The following CTNNA2 variants were observed in gnomAD, a reference collection of about 807,000 sequenced individuals.
CTNNA2 encodes catenin alpha-2.
CTNNA2 carries 42 observed loss-of-function variants against 101.0 expected under a neutral mutation model. The ratio of observed to expected loss-of-function variants is 0.42; its 90% CI spans 0.32 to 0.54. CTNNA2 has a LOEUF of 0.54. Ranked by LOEUF, CTNNA2 falls within the 20% of genes least tolerant of loss-of-function variation. The probability of loss-of-function intolerance (pLI) is 0.14; values close to 1 mark genes in which losing one functional copy is unlikely to be tolerated. For missense variants in CTNNA2, 871 were observed against 1,223.1 expected, an observed-to-expected ratio of 0.71 and a Z score of 4.29; for synonymous variants, 450 against 456.4, an observed-to-expected ratio of 0.99 and a Z score of 0.18.
At chr2:79,353,841 A>G (rs1342996215) in intron 3 of CTNNA2, among the ~76,000 whole-genome samples, 1 of 152,128 alleles carries the variant, frequency 6.6e-6, no homozygotes, top group African/African-American at 2.4e-5. Context: ...TCCCTTAAGG[A>G]CCTACTGTAA....
chr2:80,131,097 G>A (rs758312543), intron 7 of CTNNA2, among the ~76,000 whole-genome samples: 49 of 151,784 alleles, frequency 3.2e-4, no homozygotes, highest in African/African-American at 4.8e-4. Flanking sequence ...TGTCTCTGTC[G>A]CCCAGGTTGG....
At chr2:79,650,024 T>A (rs931753754) in intron 1 of CTNNA2, among the ~76,000 whole-genome samples, 7 of 152,118 alleles carry the variant, frequency 4.6e-5, no homozygotes, top group Admixed American at 3.9e-4. Context: ...AGAACAGCCA[T>A]GGACATTTTG....
At chr2:80,468,162 G>A (rs1311448846) in intron 9 of CTNNA2, among the ~76,000 whole-genome samples, 1 of 152,084 alleles carries the variant, frequency 6.6e-6, no homozygotes, top group Non-Finnish European at 1.5e-5. Context: ...GTGTTTTGAA[G>A]GCAGGATTGG....
At chr2:80,478,540 T>C (rs1027453859) in intron 9 of CTNNA2, among the ~76,000 whole-genome samples, 1 of 152,160 alleles carries the variant, frequency 6.6e-6, no homozygotes, top group Non-Finnish European at 1.5e-5. Flanking sequence ...ACTTAAGTCT[T>C]TAACACATCT....
chr2:80,309,725 C>G (rs955053382), intron 7 of CTNNA2, among the ~76,000 whole-genome samples: 7 of 140,402 alleles, frequency 5.0e-5, no homozygotes, highest in African/African-American at 1.9e-4. Context: ...GACGGAGTCT[C>G]GCACGGTCAC....
At chr2:80,635,295 ATATTT>A (rs1243121210) in intron 18 of CTNNA2, among the ~76,000 whole-genome samples, 1 of 152,208 alleles carries the variant, frequency 6.6e-6, no homozygotes, top group Non-Finnish European at 1.5e-5. Flanking sequence ...AACTCAAAAA[ATATTT>A]TAAAGAAGAC....
At chr2:79,706,053 G>C (rs1047285024) in intron 2 of CTNNA2, among the ~76,000 whole-genome samples, 1 of 152,018 alleles carries the variant, frequency 6.6e-6, no homozygotes, top group African/African-American at 2.4e-5. Flanking sequence ...GAAGGCCTTC[G>C]TGTGGTCTTA....
chr2:80,460,701 A>G (rs1252321620), intron 9 of CTNNA2, among the ~76,000 whole-genome samples: 1 of 152,046 alleles, frequency 6.6e-6, no homozygotes, highest in Non-Finnish European at 1.5e-5. Flanking sequence ...ATTTAATTCA[A>G]CTGTAAGTCT....
rs1467076951 is a variant in CTNNA2, at chr2:79,533,517, C to T, written c.-6+20310C>T. Among the ~76,000 whole-genome samples the T allele has an allele frequency of 3.3e-5, 5 of 152,018 alleles. No homozygotes were observed. The East Asian group carries it at 7.7e-4, about 24-fold the overall frequency. ...GACTTAGAAAAAAACACACTGAGTT[C>T]CCATGGGTTGTATTTTATCAACTAA... On this transcript the variant is annotated intron_variant, in intron 1 of 18. Coordinates refer to ENST00000402739, the MANE Select transcript of CTNNA2 (RefSeq NM_001282597.3).
rs548418595 is a variant in CTNNA2, at chr2:79,483,079, T to A, written c.-134-21975T>A. Among the ~76,000 whole-genome samples, 24 of 152,338 alleles carry A rather than the reference T, an allele frequency of 1.6e-4. No individual in the cohort carries two copies. The East Asian group carries it at 4.4e-3, about 28-fold the overall frequency. On this transcript the variant is annotated intron_variant, in intron 4 of 21. Coordinates refer to the CTNNA2 transcript ENST00000466387. ...TTGTAAGACAAAAGTTTACTTCCCA[T>A]GTGTGCTATGTCTCTATTGCATGTT...
intron 7 of CTNNA2, among the ~76,000 whole-genome samples, chr2:80,368,847 A>ATGTG (rs538992921): frequency 0.032 from 4,347 of 134,600 alleles, 229 homozygotes; most frequent in African/African-American, 0.12. Flanking sequence ...GTGTGTATAT[A>ATGTG]TGTGTGTGTG....
At chr2:80,493,091 T>C (rs1191005302) in intron 9 of CTNNA2, among the ~76,000 whole-genome samples, 1 of 152,146 alleles carries the variant, frequency 6.6e-6, no homozygotes, top group Non-Finnish European at 1.5e-5. Context: ...GTGTTACTTC[T>C]GGGAGGAAAA....
At chr2:80,195,961 T>C (rs964107475) in intron 7 of CTNNA2, among the ~76,000 whole-genome samples, 1 of 152,072 alleles carries the variant, frequency 6.6e-6, no homozygotes, top group Non-Finnish European at 1.5e-5. Flanking sequence ...TAGCCAGAGC[T>C]CTCTATAGTC....
At chr2:80,592,781 G>A (rs573835059) in intron 15 of CTNNA2, among the ~76,000 whole-genome samples, 108 of 152,216 alleles carry the variant, frequency 7.1e-4, no homozygotes, top group South Asian at 7.1e-3. Context: ...TAAAAAATAC[G>A]TTGGATTAAC....
chr2:79,715,506 A>T (rs1464315468), intron 2 of CTNNA2, among the ~76,000 whole-genome samples: 3 of 152,172 alleles, frequency 2.0e-5, no homozygotes, highest in African/African-American at 4.8e-5. Flanking sequence ...ACAAAAAGGA[A>T]ACCAAACTCC....
intron 7 of CTNNA2, among the ~76,000 whole-genome samples, chr2:79,914,181 A>G (rs1360586385): frequency 6.6e-6 from 1 of 150,724 alleles, no homozygotes; most frequent in African/African-American, 2.5e-5. Flanking sequence ...AAAAAAAAAA[A>G]AAAAAAAAGA....
intron 7 of CTNNA2, among the ~76,000 whole-genome samples, chr2:79,938,712 A>T (rs1239508637): frequency 6.6e-6 from 1 of 152,078 alleles, no homozygotes; most frequent in Non-Finnish European, 1.5e-5. Flanking sequence ...GCACTTGCCA[A>T]TTTTTTTTAA....
intron 8 of CTNNA2, among the ~76,000 whole-genome samples, chr2:80,416,834 A>G (rs949279457): frequency 1.3e-5 from 2 of 152,038 alleles, no homozygotes; most frequent in African/African-American, 4.8e-5. Flanking sequence ...CAGATTTTGT[A>G]TGTCTTATAC....
At chr2:80,527,188 T>C (rs1690120332) in intron 9 of CTNNA2, among the ~76,000 whole-genome samples, 1 of 152,236 alleles carries the variant, frequency 6.6e-6, no homozygotes. Context: ...ATAACTCACT[T>C]TCATAGAGTT....
Sources: allele counts gnomAD v4.1 joint callset (sites outside exome capture counted in the v4.1 genomes callset), GRCh38; gene constraint gnomAD v4.1.1; transcripts MANE v1.5; gene names NCBI Gene and HGNC (gene_info 2026-07-23, HGNC 2026-07-21).